ANAPC5: variants seen among roughly 807,000 people sequenced by gnomAD.
The protein encoded by ANAPC5 is anaphase-promoting complex subunit 5.
In ANAPC5, 60 loss-of-function variants were observed where a neutral mutation model predicts 91.3. That is an observed-to-expected ratio of 0.66 (90% CI 0.53 to 0.81). The LOEUF (loss-of-function observed/expected upper bound fraction) is 0.81. ANAPC5 is among the 40% of genes least tolerant of loss of function. The pLI, the probability that ANAPC5 is intolerant of heterozygous loss-of-function variation, is 0.00. For synonymous variants in ANAPC5, 340 were observed against 364.1 expected (o/e 0.93, Z 0.75); for missense variants, 690 against 931.5 (o/e 0.74, Z 3.37).
chr12:121,318,161 A>G, intron 15 of ANAPC5, 116 bp downstream of exon 15: 2 of 1,253,236 alleles, frequency 1.6e-6, no homozygotes, highest in Non-Finnish European at 2.1e-6. Context: ...CTACCTTTCC[A>G]GACGTCAATA....
chr12:121,350,668 G>A (rs1261523973), intron 1 of ANAPC5, among the ~76,000 whole-genome samples: 2 of 135,278 alleles, frequency 1.5e-5, no homozygotes, highest in Admixed American at 8.0e-5. Context: ...GCGACGGAGC[G>A]AGACTCCGTC....
At chr12:121,347,707 G>C (rs1903724625) in intron 2 of ANAPC5, 95 bp downstream of exon 2, 8 of 945,966 alleles carry the variant, frequency 8.5e-6, no homozygotes, top group Non-Finnish European at 1.2e-5. Context: ...GGGTAATAAA[G>C]GTATCTTTTT....
intron 4 of ANAPC5, among the ~76,000 whole-genome samples, chr12:121,343,834 G>A (rs1353809234): frequency 1.3e-5 from 2 of 152,104 alleles, no homozygotes; most frequent in African/African-American, 4.8e-5. Context: ...GGGCAGGTGG[G>A]GCTTAATTCT....
chr12:121,309,146 CAAAAAAA>C (rs35933671), intron 16 of ANAPC5, among the ~76,000 whole-genome samples: 1 of 36,848 alleles, frequency 2.7e-5, no homozygotes, highest in Non-Finnish European at 5.8e-5. Context: ...GACTCCATCT[CAAAAAAA>C]AAAAAAAAAA....
chr12:121,342,858 AAAAAG>A lies in ANAPC5; in HGVS notation c.591-794_591-790del, dbSNP rs1555274236. 6.6e-6 allele frequency among the ~76,000 whole-genome samples: 1 copy of A among 152,186 alleles called. No homozygotes were observed. ...TGGCGGCAGAGCGAGACTTCATCTC[AAAAAG>A]AAAAGATCACAAAAAGAAAACAATT... On this transcript the variant is annotated intron_variant, in intron 4 of 16. Coordinates refer to ENST00000261819, the MANE Select transcript of ANAPC5 (RefSeq NM_016237.5). The surrounding 1 kb of genome is among the most constrained non-coding windows in gnomAD (Gnocchi z 4.1).
At chr12:121,332,562 T>C (rs1566189476) in intron 7 of ANAPC5, 1 of 133,906 alleles carries the variant, frequency 7.5e-6, no homozygotes, top group Non-Finnish European at 1.6e-5. Context: ...TCCCCTGATA[T>C]AAGCTCTATA....
chr12:121,352,718 T>TGGTGGTGGTGG (rs1555275623), upstream of ANAPC5, among the ~76,000 whole-genome samples: 7 of 102,434 alleles, frequency 6.8e-5, no homozygotes, highest in Admixed American at 1.2e-4. Flanking sequence ...GTTGTTGTTG[T>TGGTGGTGGTGG]TGGTGGTGGT....
At chr12:121,333,775 C>G (rs1903129095) in intron 7 of ANAPC5, 1 of 152,160 alleles carries the variant, frequency 6.6e-6, no homozygotes, top group Admixed American at 6.5e-5. Context: ...TCTCCCGTAG[C>G]CATACCCTCA....
rs1017944969 is a variant in ANAPC5 at position 121,318,165 on chromosome 12, G to A, written c.1893+112C>T. On this transcript the variant is annotated intron_variant, in intron 15 of 16. Transcript: ENST00000261819. ...GCACAGGAAGACTACCTTTCCAGAC[G>A]TCAATATGAACAAATGAAAACTCAT... The A allele has an allele frequency of 8.6e-6, 11 of 1,279,562 alleles. No homozygotes were observed. The African/African-American group carries it at 9.1e-5, about 11-fold the overall frequency. 79.3% of individuals were successfully genotyped at this position (1,279,562 alleles called of 1,614,324 possible).
rs1566195354 is a variant in ANAPC5 at position 121,342,334 on chromosome 12, G to A, written c.591-265C>T. Reference sequence around the variant, plus strand: ...AAGGACAGCCTTTCCAACCAATGATGCTGGGAAAACTGCACATCCACATGC... The same window carrying A: ...AAGGACAGCCTTTCCAACCAATGATACTGGGAAAACTGCACATCCACATGC... On this transcript the variant is annotated intron_variant, in intron 4 of 16. Transcript: ENST00000261819. The surrounding 1 kb of genome is among the most constrained non-coding windows in gnomAD (Gnocchi z 4.1). Among the ~76,000 whole-genome samples, 1 of 152,100 alleles carries A rather than the reference G, an allele frequency of 6.6e-6. No homozygotes were observed. Among genetic ancestry groups the A allele is most frequent in the East Asian group, 1.9e-4 (1 of 5,182 alleles).
At chr12:121,315,692 A>G (rs908544990) in intron 15 of ANAPC5, among the ~76,000 whole-genome samples, 1 of 152,198 alleles carries the variant, frequency 6.6e-6, no homozygotes, top group African/African-American at 2.4e-5. Context: ...TACCAAAACC[A>G]TTAAATGGGG....
chr12:121,346,480 T>C (rs144599157), intron 3 of ANAPC5: 2 of 176,886 alleles, frequency 1.1e-5, no homozygotes, highest in African/African-American at 4.7e-5. Flanking sequence ...GGATAGAGCA[T>C]GGGATAAAGC....
intron 1 of ANAPC5, 83 bp from the exon 2 acceptor site, chr12:121,347,964 AC>A: frequency 1.0e-6 from 1 of 955,674 alleles, no homozygotes; most frequent in Non-Finnish European, 1.6e-6. Context: ...TCATTTATCA[AC>A]CCCTCTGCTT....
rs141306512 is a variant in ANAPC5 at position 121,336,218 on chromosome 12, T to C, written c.760-495A>G. ...TCCCTAACAGGCAGATCTCAGTTAC[T>C]AGGAAGCAAAATAGATATATTTCTG... On this transcript the variant is annotated intron_variant, in intron 6 of 16. Coordinates refer to ENST00000261819, the MANE Select transcript of ANAPC5 (RefSeq NM_016237.5). 2.5e-3 allele frequency among the ~76,000 whole-genome samples: 381 copies of C among 152,268 alleles called. 6 individuals are homozygous for C. The highest frequency in any genetic ancestry group is 0.02 in the East Asian group (103 of 5,182).
intron 5 of ANAPC5, among the ~76,000 whole-genome samples, chr12:121,337,899 T>A: frequency 6.6e-6 from 1 of 152,168 alleles, no homozygotes; most frequent in South Asian, 2.1e-4. Context: ...CCAGTGCCTG[T>A]ATGGGGCCTT....
In ANAPC5 at chr12:121,346,886, A is replaced by G. The variant is rs782665427; in HGVS notation, c.397+10T>C. ...AAATACTCTCTGCTCTTCTTAGAAG[A>G]GTTTCATACCTACTACACTTGTTTT... On this transcript the variant is annotated intron_variant, in intron 3 of 16. Transcript: ENST00000261819. 18 of 1,537,640 alleles carry G rather than the reference A, an allele frequency of 1.2e-5. No individual in the cohort carries two copies. The East Asian group carries it at 3.9e-4, about 33-fold the overall frequency.
chr12:121,341,356 G>A (rs1021217800), intron 5 of ANAPC5, among the ~76,000 whole-genome samples: 3 of 152,040 alleles, frequency 2.0e-5, no homozygotes, highest in Non-Finnish European at 2.9e-5. Context: ...TGTAATCCCA[G>A]CTATTTGGGA....
chr12:121,339,738 G>C (rs1209861580), intron 5 of ANAPC5, among the ~76,000 whole-genome samples: 1 of 152,102 alleles, frequency 6.6e-6, no homozygotes, highest in East Asian at 1.9e-4. Context: ...CAGATTGCTG[G>C]GATTACAGGC....
chr12:121,320,352 A>T (rs1253455992), intron 12 of ANAPC5, 33 bp downstream of exon 12: 1 of 1,602,966 alleles, frequency 6.2e-7, no homozygotes, highest in Non-Finnish European at 8.5e-7. Context: ...TTTTATCAGA[A>T]ATAAATCTAT....
Sources: allele counts gnomAD v4.1 joint callset (sites outside exome capture counted in the v4.1 genomes callset), GRCh38; gene constraint gnomAD v4.1.1; non-coding constraint Gnocchi (gnomAD v3.1); transcripts MANE v1.5; gene names NCBI Gene and HGNC (gene_info 2026-07-23, HGNC 2026-07-21).